TLCD5: variants seen among roughly 807,000 people sequenced by gnomAD.
TLCD5 encodes the protein TLC domain containing 5, also known as TLC domain-containing protein 5.
A neutral mutation model predicts 20.5 loss-of-function variants in TLCD5; 15 were observed. The observed-to-expected ratio is 0.73, with a 90% CI of 0.49 to 1.13. The LOEUF (loss-of-function observed/expected upper bound fraction) is 1.13. Among genes scored for constraint, TLCD5 ranks in the 50% most tolerant of loss-of-function variants. The pLI is 0.00. For missense variants in TLCD5, 289 were observed against 305.6 expected (o/e 0.95, Z 0.41); for synonymous variants, 107 against 114.7 (o/e 0.93, Z 0.43).
In TLCD5 at chr11:120,332,705, G is replaced by C. The variant is rs966694853; in HGVS notation, c.*2190G>C. The C allele has an allele frequency of 6.6e-6, 1 of 152,232 alleles. No homozygotes were observed. The highest frequency in any genetic ancestry group is 2.4e-5 in the African/African-American group (1 of 41,428). The allele number at this position is 152,232 out of a possible 1,614,324, so 9.4% of individuals were successfully genotyped here. On this transcript the variant is annotated 3_prime_UTR_variant, in exon 3 of 3. Transcript: ENST00000375095. The surrounding 1 kb of genome is among the most constrained non-coding windows in gnomAD (Gnocchi z 4.2). ...GTGCCACCATGCCTGGCTACTTTTT[G>C]TATTTTTAGTAGAGACGGGGTTTCA...
chr11:120,330,538 G>A lies in TLCD5; in HGVS notation c.*23G>A. On this transcript the variant is annotated 3_prime_UTR_variant, in exon 3 of 3. Coordinates refer to ENST00000375095, the MANE Select transcript of TLCD5 (RefSeq NM_001198671.2). ...TAGCCAAGGCTTGCTCCAGATTATG[G>A]ATTGGGTTAAGTCAGCCATGGGAAC... 1 of 1,590,686 alleles carries A rather than the reference G, an allele frequency of 6.3e-7. No individual in the cohort carries two copies. Among genetic ancestry groups the A allele is most frequent in the Admixed American group, 1.7e-5 (1 of 58,822 alleles).
chr11:120,327,525 G>A lies in TLCD5; in HGVS notation c.84G>A (p.Lys28=), dbSNP rs1942029273. The change falls in exon 2 of 3, where the codon AAG becomes AAA. Residue 28 remains lysine (K), a synonymous_variant. Transcript: ENST00000375095. ...ATATTTCTTTCTGCCACCTGAATAAGCACCGAAGCTATGAGTGGAGCTGCC... is the reference window on the plus strand; with the variant it reads ...ATATTTCTTTCTGCCACCTGAATAAACACCGAAGCTATGAGTGGAGCTGCC... The part of the protein sequence containing the change: ...SLYISFCHLN[K]HRSYEWSCRL... 6.2e-7 allele frequency: 1 copy of A among 1,614,170 alleles called. No individual in the cohort carries two copies. Among genetic ancestry groups the A allele is most frequent in the Non-Finnish European group, 8.5e-7 (1 of 1,180,044 alleles).
At position 120,330,554 on chromosome 11, in the gene TLCD5, C is replaced by T. The variant is rs1942131501; in HGVS notation, c.*39C>T. ...CAGATTATGGATTGGGTTAAGTCAGCCATGGGAACCAGGTTGGAAATATGA... is the reference window on the plus strand; with the variant it reads ...CAGATTATGGATTGGGTTAAGTCAGTCATGGGAACCAGGTTGGAAATATGA... On this transcript the variant is annotated 3_prime_UTR_variant, in exon 3 of 3. Transcript: ENST00000375095. The T allele has an allele frequency of 1.9e-6, 3 of 1,561,150 alleles. No individual in the cohort carries two copies. The highest frequency in any genetic ancestry group is 1.4e-5 in the African/African-American group (1 of 73,500).
At chr11:120,329,004 A>ATTTGTGT (rs368003395) in intron 2 of TLCD5, among the ~76,000 whole-genome samples, 2 of 7,540 alleles carry the variant, frequency 2.7e-4, no homozygotes, top group African/African-American at 5.1e-4. Context: ...TAACAGTCAT[A>ATTTGTGT]GTGTGTGTGT....
At chr11:120,328,946 TTG>T (rs1565400336) in intron 2 of TLCD5, among the ~76,000 whole-genome samples, 39 of 30,158 alleles carry the variant, frequency 1.3e-3, no homozygotes, top group African/African-American at 2.3e-3. Context: ...GTGTGTGTGT[TTG>T]TGTATGTTTA....
Position 120,327,516 on chromosome 11 carries a change from C to G in TLCD5, c.75C>G (p.His25Gln). The change falls in exon 2 of 3, where the codon CAC becomes CAG. Residue 25 changes from histidine (H) to glutamine (Q), a missense_variant. By Grantham distance (24) the His-to-Gln change is conservative. Coordinates refer to ENST00000375095, the MANE Select transcript of TLCD5 (RefSeq NM_001198671.2). ...TCTCGCTCTATATTTCTTTCTGCCA[C>G]CTGAATAAGCACCGAAGCTATGAGT... is the stretch of plus-strand genomic sequence containing the variant. The part of the protein sequence containing the change: ...GWLSLYISFC[H>Q]LNKHRSYEWS... 1 of 1,614,210 alleles carries G rather than the reference C, an allele frequency of 6.2e-7. No individual in the cohort carries two copies. Among genetic ancestry groups the G allele is most frequent in the Non-Finnish European group, 8.5e-7 (1 of 1,180,032 alleles).
In TLCD5 at chr11:120,330,526, C is replaced by T. The variant is rs2135171841; in HGVS notation, c.*11C>T. The stretch of plus-strand genomic sequence containing the variant: ...CTCAAAATACACTAGCCAAGGCTTG[C>T]TCCAGATTATGGATTGGGTTAAGTC... On this transcript the variant is annotated 3_prime_UTR_variant, in exon 3 of 3. Coordinates refer to ENST00000375095, the MANE Select transcript of TLCD5 (RefSeq NM_001198671.2). 6.3e-7 allele frequency: 1 copy of T among 1,598,640 alleles called. No homozygotes were observed. Among genetic ancestry groups the T allele is most frequent in the Non-Finnish European group, 8.5e-7 (1 of 1,171,504 alleles).
chr11:120,328,968 A>G (rs1942083766), intron 2 of TLCD5, among the ~76,000 whole-genome samples: 1 of 108,648 alleles, frequency 9.2e-6, no homozygotes, highest in Admixed American at 9.4e-5. Flanking sequence ...ATGTATGCAT[A>G]TCTGTGTCCT....
In TLCD5 at chr11:120,330,217, G is replaced by A. The variant is rs773955369; in HGVS notation, c.440G>A (p.Arg147Gln). The A allele has an allele frequency of 5.8e-6, 9 of 1,556,606 alleles. No individual in the cohort carries two copies. Among genetic ancestry groups the A allele is most frequent in the African/African-American group, 2.7e-5 (2 of 73,560 alleles). ...NPLLQMRWFL[R>Q]ETGHYHSFTG... is the part of the protein sequence containing the mutation. ...TTGCTACAGATGCGCTGGTTTCTCC[G>A]GGAAACAGGGCACTATCACAGTTTC... Residue 147 changes from arginine to glutamine, a missense_variant, in exon 3 of 3, where the codon CGG becomes CAG. Arg to Gln is a conservative substitution (Grantham distance 43). Transcript: ENST00000375095.
intron 1 of TLCD5, among the ~76,000 whole-genome samples, 151 bp downstream of exon 1, chr11:120,325,519 G>A (rs1207148334): frequency 2.0e-5 from 3 of 152,024 alleles, no homozygotes; most frequent in Admixed American, 1.3e-4. Flanking sequence ...CCTGCGCCAG[G>A]CTGCGGCGCC....
intron 2 of TLCD5, 34 bp downstream of exon 2, chr11:120,327,674 T>C: frequency 1.3e-6 from 2 of 1,595,504 alleles, no homozygotes; most frequent in Non-Finnish European, 8.5e-7. Context: ...GGATTTATGA[T>C]TTGGGGGTAG....
chr11:120,328,917 AGTGTGTGTGTGT>A (rs369015878), intron 2 of TLCD5, among the ~76,000 whole-genome samples: 36 of 32,290 alleles, frequency 1.1e-3, no homozygotes, highest in African/African-American at 4.8e-3. Flanking sequence ...TAACAGTCAT[AGTGTGTGTGTGT>A]GTGTGTGTGT....
In TLCD5 at chr11:120,331,846, T is replaced by G. The variant is rs1398853380; in HGVS notation, c.*1331T>G. The G allele has an allele frequency of 6.6e-6, 1 of 152,252 alleles. No individual in the cohort carries two copies. Among genetic ancestry groups the G allele is most frequent in the Non-Finnish European group, 1.5e-5 (1 of 68,044 alleles). The allele number at this position is 152,252 out of a possible 1,614,324, so 9.4% of individuals were successfully genotyped here. A position where few individuals can be genotyped will look rare whatever the true frequency, so the allele number is the denominator to read the frequency against. The stretch of plus-strand genomic sequence containing the variant: ...TAGGGATTTATCATGTGGATTCCAC[T>G]GTGCTTGAGATGGCAGTTTAGATTT... On this transcript the variant is annotated 3_prime_UTR_variant, in exon 3 of 3. Coordinates refer to ENST00000375095, the MANE Select transcript of TLCD5 (RefSeq NM_001198671.2). The surrounding 1 kb of genome is among the most constrained non-coding windows in gnomAD (Gnocchi z 4.5).
In TLCD5 at chr11:120,330,421, C is replaced by T; in HGVS notation, c.644C>T (p.Ala215Val). ...TTCATGTTTAGCATCTGGCGCTTTG[C>T]ATGGAGGAAGAGCATCAAGAAGTAC... ...WCFMFSIWRF[A>V]WRKSIKKYHA... The change falls in exon 3 of 3, where the codon GCA (alanine) becomes GTA (valine). Residue 215 changes from alanine to valine, a missense_variant. Coordinates refer to ENST00000375095, the MANE Select transcript of TLCD5 (RefSeq NM_001198671.2). 6.2e-7 allele frequency: 1 copy of T among 1,614,110 alleles called. No individual in the cohort carries two copies. Among genetic ancestry groups the T allele is most frequent in the Non-Finnish European group, 8.5e-7 (1 of 1,180,022 alleles).
rs78829116 is a variant in TLCD5 at position 120,329,527 on chromosome 11, C to A, written c.200-450C>A. On this transcript the variant is annotated intron_variant, in intron 2 of 2. Transcript: ENST00000375095. ...ATCTACTTTCAGGATGGGTTAAGAC[C>A]ACTGAGTGTTCAATAACGTAACCCA... 0.011 allele frequency among the ~76,000 whole-genome samples: 1,701 copies of A among 151,976 alleles called. 93 individuals are homozygous for A. The South Asian group carries it at 0.16, about 15-fold the overall frequency.
intron 2 of TLCD5, among the ~76,000 whole-genome samples, chr11:120,328,680 TG>T (rs1942060166): frequency 9.0e-5 from 4 of 44,520 alleles, no homozygotes; most frequent in African/African-American, 2.3e-4. Context: ...ACAGTCATAG[TG>T]TGTGTGTGTG....
chr11:120,329,994 C>A lies in TLCD5; in HGVS notation c.217C>A (p.Leu73Ile), dbSNP rs1409405737. 1.2e-6 allele frequency: 2 copies of A among 1,613,666 alleles called. No homozygotes were observed. Among genetic ancestry groups the A allele is most frequent in the South Asian group, 2.2e-5 (2 of 90,960 alleles). The change falls in exon 3 of 3, where the codon CTC becomes ATC. Residue 73 changes from leucine to isoleucine, a missense_variant. Coordinates refer to ENST00000375095, the MANE Select transcript of TLCD5 (RefSeq NM_001198671.2). ...TGTTTCAGGCTCACCCAATACACCT[C>A]TCCAAGTTCATGTCCTGTGTCTCAC... ...FTHPGSPNTP[L>I]QVHVLCLTLG...
In TLCD5 at chr11:120,333,396, G is replaced by A. The variant is rs1307542032; in HGVS notation, c.*2881G>A. The A allele has an allele frequency of 6.6e-6, 1 of 152,120 alleles. No homozygotes were observed. Among genetic ancestry groups the A allele is most frequent in the East Asian group, 1.9e-4 (1 of 5,192 alleles). The allele number at this position is 152,120 out of a possible 1,614,324, so 9.4% of individuals were successfully genotyped here. On this transcript the variant is annotated 3_prime_UTR_variant, in exon 3 of 3. Coordinates refer to ENST00000375095, the MANE Select transcript of TLCD5 (RefSeq NM_001198671.2). The surrounding 1 kb of genome is among the most constrained non-coding windows in gnomAD (Gnocchi z 4.5). ...GTGAGAAATCTGAATAATTGGTAAG[G>A]GGAAGGGAATCCCTCATTTCAGCTT...
rs565778191 is a variant in TLCD5, at chr11:120,333,102, A to G, written c.*2587A>G. 18 of 151,764 alleles carry G rather than the reference A, an allele frequency of 1.2e-4. No homozygotes were observed. Among genetic ancestry groups the G allele is most frequent in the Admixed American group, 1.0e-3 (16 of 15,244 alleles). The allele number at this position is 151,764 out of a possible 1,614,324, so 9.4% of individuals were successfully genotyped here. ...CTAAAATGCTGGTAAGCTTCTTTCCAACAAAATTGCGGTCAAAGTAGGATG... is the reference window on the plus strand; with the variant it reads ...CTAAAATGCTGGTAAGCTTCTTTCCGACAAAATTGCGGTCAAAGTAGGATG... On this transcript the variant is annotated 3_prime_UTR_variant, in exon 3 of 3. Transcript: ENST00000375095. This position sits in a 1 kb window ranked among gnomAD's most constrained non-coding sequence, Gnocchi z 4.5.
Sources: gnomAD v4.1 joint callset for allele counts (sites outside exome capture counted in the v4.1 genomes callset) on GRCh38, gnomAD v4.1.1 for gene constraint, Gnocchi (gnomAD v3.1) non-coding constraint, MANE v1.5 for transcripts, NCBI Gene and HGNC (gene_info 2026-07-23, HGNC 2026-07-21) for gene names.